PCDHGA1: variants seen among roughly 807,000 people sequenced by gnomAD.
PCDHGA1 encodes protocadherin gamma subfamily A, 1.
Under a neutral mutation model 58.0 loss-of-function variants are expected in PCDHGA1, and 32 were observed. The ratio of observed to expected loss-of-function variants is 0.55; its 90% confidence interval spans 0.42 to 0.74. The LOEUF is 0.74. Ranked by LOEUF, PCDHGA1 falls within the 30% of genes least tolerant of loss-of-function variation. The pLI is 0.00. For synonymous variants in PCDHGA1, 498 were observed against 501.1 expected, an observed-to-expected ratio of 0.99 and a Z score of 0.08; for missense variants, 1,205 against 1,182.3, an observed-to-expected ratio of 1.02 and a Z score of -0.28.
intron 1 of PCDHGA1, chr5:141,400,191 A>C (rs781032596): frequency 5.0e-6 from 8 of 1,613,852 alleles, no homozygotes; most frequent in Non-Finnish European, 4.2e-6. Context: ...AGTTTTACCT[A>C]GTGGTGGCCT....
At position 141,409,990 on chromosome 5, in the gene PCDHGA1, C is replaced by G. The variant is rs377295503; in HGVS notation, c.2421+76885C>G. On this transcript the variant is annotated intron_variant, in intron 1 of 3. Transcript: ENST00000517417. The stretch of plus-strand genomic sequence containing the variant: ...TGACTAAGGTGGTAGCGGTGGACGC[C>G]GACTCGGGACACAACGCCTGGCTGT... 2.7e-5 allele frequency: 44 copies of G among 1,613,278 alleles called. No homozygotes were observed. The African/African-American group carries it at 5.3e-4, about 20-fold the overall frequency.
rs771503687 is a variant in PCDHGA1 at position 141,383,368 on chromosome 5, G to T, written c.2421+50263G>T. 3 of 1,614,014 alleles carry T rather than the reference G, an allele frequency of 1.9e-6. No individual in the cohort carries two copies. In the East Asian group the frequency reaches 6.7e-5, roughly 36 times the overall value. ...TGGGGTTCGGTTTCCGTTAAGCGAG[G>T]CTGGGGATCCAGATGTGGGCACGAA... On this transcript the variant is annotated intron_variant, in intron 1 of 3. Coordinates refer to ENST00000517417, the MANE Select transcript of PCDHGA1 (RefSeq NM_018912.3).
At position 141,418,812 on chromosome 5, in the gene PCDHGA1, A is replaced by T. The variant is rs761899929; in HGVS notation, c.2422-75995A>T. 4 of 1,613,914 alleles carry T rather than the reference A, an allele frequency of 2.5e-6. No individual in the cohort carries two copies. In the South Asian group the frequency reaches 4.4e-5, roughly 18 times the overall value. On this transcript the variant is annotated intron_variant, in intron 1 of 3. Transcript: ENST00000517417. ...GAAGAAGTAGAAAGATATACGATAA[A>T]CATAGAAGCAAAAGACCGAGGATCT... is the stretch of plus-strand genomic sequence containing the variant.
intron 1 of PCDHGA1, chr5:141,364,591 G>C (rs754833725): frequency 3.7e-6 from 6 of 1,614,076 alleles, no homozygotes; most frequent in Non-Finnish European, 3.4e-6. Context: ...TGGTCACCGC[G>C]GGCAGGATAG....
chr5:141,412,931 T>C (rs1010992022), intron 1 of PCDHGA1: 5 of 453,108 alleles, frequency 1.1e-5, no homozygotes, highest in African/African-American at 2.0e-5. Flanking sequence ...CAGTAACTTC[T>C]TAGGACTCTG....
At chr5:141,383,567 C>T in intron 1 of PCDHGA1, 1 of 1,613,214 alleles carries the variant, frequency 6.2e-7, no homozygotes, top group Non-Finnish European at 8.5e-7. Context: ...CCGCCCCGAT[C>T]CAGCACCGCC....
intron 1 of PCDHGA1, among the ~76,000 whole-genome samples, chr5:141,462,877 T>G (rs1387501705): frequency 1.3e-5 from 2 of 152,240 alleles, no homozygotes; most frequent in African/African-American, 4.8e-5. Flanking sequence ...CTTTAAGAAC[T>G]ATTGCAGTTT....
rs1554116833 is a variant in PCDHGA1, at chr5:141,423,756, G to GGT, written c.2422-71050_2422-71049insTG. 2.2e-4 allele frequency: 100 copies of GGT among 448,536 alleles called. 2 individuals carry two copies. The highest frequency in any genetic ancestry group is 2.1e-3 in the African/African-American group (74 of 35,668). The allele number at this position is 448,536 out of a possible 1,614,324, so 27.8% of individuals were successfully genotyped here. On this transcript the variant is annotated intron_variant, in intron 1 of 3. Coordinates refer to ENST00000517417, the MANE Select transcript of PCDHGA1 (RefSeq NM_018912.3). ...GCCTGTTATGAAAACTGTTTGGGGG[G>GGT]GGGGTGGGGCGGCATATATTTAGTT...
intron 1 of PCDHGA1, chr5:141,408,050 G>A: frequency 1.6e-6 from 2 of 1,259,544 alleles, no homozygotes; most frequent in Middle Eastern, 2.8e-4. Flanking sequence ...CCCACACAGA[G>A]CCTCCCGGCT....
At chr5:141,415,701 T>C in intron 1 of PCDHGA1, 2 of 1,506,520 alleles carry the variant, frequency 1.3e-6, no homozygotes, top group Non-Finnish European at 1.8e-6. Context: ...AAAGTGTAAA[T>C]GCTAAAACAC....
intron 1 of PCDHGA1, chr5:141,371,309 A>G: frequency 1.2e-6 from 2 of 1,614,012 alleles, no homozygotes; most frequent in Non-Finnish European, 8.5e-7. Flanking sequence ...CCACTATTGG[A>G]GAACTGGACT....
intron 1 of PCDHGA1, chr5:141,378,580 C>T (rs999014628): frequency 2.6e-5 from 4 of 152,056 alleles, no homozygotes; most frequent in Non-Finnish European, 5.9e-5. Flanking sequence ...AAAACATGCT[C>T]GGTAGTGTCT....
At chr5:141,499,548 A>G (rs1312910986) in intron 2 of PCDHGA1, among the ~76,000 whole-genome samples, 3 of 152,226 alleles carry the variant, frequency 2.0e-5, no homozygotes, top group African/African-American at 7.2e-5. Flanking sequence ...ATGAACCTGT[A>G]TGATACCACT....
chr5:141,398,787 A>C, intron 1 of PCDHGA1: 1 of 1,613,902 alleles, frequency 6.2e-7, no homozygotes, highest in South Asian at 1.1e-5. Context: ...GTGGACATCC[A>C]CCCCTAAGCG....
chr5:141,483,750 A>G (rs1453478545), intron 1 of PCDHGA1, among the ~76,000 whole-genome samples: 1 of 152,138 alleles, frequency 6.6e-6, no homozygotes, highest in African/African-American at 2.4e-5. Flanking sequence ...ATTCCTGAGG[A>G]TCGAGGCTTG....
At chr5:141,370,421 C>T in intron 1 of PCDHGA1, 1 of 1,580,640 alleles carries the variant, frequency 6.3e-7, no homozygotes. Flanking sequence ...GATGGAGGGG[C>T]CCAGCAGGGC....
intron 1 of PCDHGA1, among the ~76,000 whole-genome samples, chr5:141,397,274 G>A (rs565956732): frequency 6.6e-6 from 1 of 152,188 alleles, no homozygotes; most frequent in East Asian, 1.9e-4. Flanking sequence ...TACATCATAT[G>A]GGCAGTATAC....
At chr5:141,371,046 G>A (rs748244003) in intron 1 of PCDHGA1, 1 of 1,613,962 alleles carries the variant, frequency 6.2e-7, no homozygotes, top group South Asian at 1.1e-5. Context: ...TGTGGATGGG[G>A]GCGAGCCCTC....
chr5:141,458,540 TTTTG>T (rs754668779), intron 1 of PCDHGA1, among the ~76,000 whole-genome samples: 43 of 150,468 alleles, frequency 2.9e-4, no homozygotes, highest in East Asian at 1.7e-3. Context: ...ATCAACTTTA[TTTTG>T]TTTGTTTGTT....
Sources: gnomAD v4.1 joint callset for allele counts (sites outside exome capture counted in the v4.1 genomes callset) on GRCh38, gnomAD v4.1.1 for gene constraint, MANE v1.5 for transcripts, NCBI Gene and HGNC (gene_info 2026-07-23, HGNC 2026-07-21) for gene names.